The following CCDC148 variants were observed in gnomAD, a reference collection of about 807,000 sequenced individuals.
The protein encoded by CCDC148 is coiled-coil domain-containing protein 148.
CCDC148 carries 89 observed loss-of-function variants against 85.7 expected under a neutral mutation model. The observed-to-expected ratio is 1.04, with a 90% CI of 0.87 to 1.24. The LOEUF (loss-of-function observed/expected upper bound fraction) is 1.24, where lower values mean the gene tolerates loss of function less well. Among genes scored for constraint, CCDC148 ranks in the 50% most tolerant of loss-of-function variants. The pLI is 0.00. For missense variants in CCDC148, 692 were observed against 671.7 expected (o/e 1.03, Z -0.33); for synonymous variants, 230 against 213.9 (o/e 1.08, Z -0.66).
chr2:158,406,613 C>CTTTTTTTTTTTTTTTTTTTTTTT (rs61612452), intron 1 of CCDC148, among the ~76,000 whole-genome samples: 5 of 31,448 alleles, frequency 1.6e-4, no homozygotes, highest in Non-Finnish European at 3.2e-4. Context: ...GATTAAATTT[C>CTTTTTTTTTTTTTTTTTTTTTTT]TTTTTTTTTT....
At chr2:158,238,832 T>A (rs1415020932) in intron 10 of CCDC148, among the ~76,000 whole-genome samples, 1 of 152,154 alleles carries the variant, frequency 6.6e-6, no homozygotes, top group Non-Finnish European at 1.5e-5. Flanking sequence ...AAGTAAATAG[T>A]TTGAAACTGA....
chr2:158,200,700 T>C (rs1020265146), intron 11 of CCDC148, among the ~76,000 whole-genome samples: 1 of 152,194 alleles, frequency 6.6e-6, no homozygotes, highest in Non-Finnish European at 1.5e-5. Flanking sequence ...GTATTAGTGA[T>C]GCTAAATCAG....
intron 2 of CCDC148, among the ~76,000 whole-genome samples, chr2:158,347,473 A>T (rs1250057968): frequency 6.6e-6 from 1 of 152,194 alleles, no homozygotes; most frequent in Non-Finnish European, 1.5e-5. Flanking sequence ...CTTAAAAATA[A>T]CAAAAAGATT....
At chr2:158,179,209 A>G (rs1162756402) in intron 11 of CCDC148, among the ~76,000 whole-genome samples, 1 of 103,104 alleles carries the variant, frequency 9.7e-6, no homozygotes, top group Non-Finnish European at 1.8e-5. Context: ...TCTTGGCTTG[A>G]GTGCAGAGGC....
At position 158,172,142 on chromosome 2, in the gene CCDC148, C is replaced by A. The variant is rs1316680639; in HGVS notation, c.1747G>T (p.Asp583Tyr). 2 of 1,608,846 alleles carry A rather than the reference C, an allele frequency of 1.2e-6. No individual in the cohort carries two copies. The highest frequency in any genetic ancestry group is 1.7e-4 in the Middle Eastern group (1 of 6,010). ...ATTTTAAATACAGTAGACTCCATGT[C>A]CTTTCTTGGAGGTTTTTGAGGACTA... ...KISPQKPPRKDMESTVFKI is the reference protein window; with the variant it reads ...KISPQKPPRKYMESTVFKI Residue 583 changes from aspartate (D) to tyrosine (Y), a missense_variant, in exon 14 of 14, where the codon GAC (aspartate) becomes TAC (tyrosine). Physicochemically the swap from Asp to Tyr is radical, Grantham distance 160. Coordinates refer to ENST00000283233, the MANE Select transcript of CCDC148 (RefSeq NM_138803.4).
intron 10 of CCDC148, among the ~76,000 whole-genome samples, chr2:158,247,998 C>T (rs1020637218): frequency 3.9e-5 from 6 of 152,032 alleles, no homozygotes; most frequent in Non-Finnish European, 8.8e-5. Flanking sequence ...GTTTGCTGCA[C>T]CCATCAACCC....
intron 11 of CCDC148, among the ~76,000 whole-genome samples, chr2:158,209,431 T>A (rs997508500): frequency 6.6e-6 from 1 of 152,182 alleles, no homozygotes. Flanking sequence ...AATACATCAA[T>A]AAAGTATATA....
intron 9 of CCDC148, among the ~76,000 whole-genome samples, chr2:158,253,845 A>G (rs1688904107): frequency 6.6e-6 from 1 of 151,622 alleles, no homozygotes; most frequent in Non-Finnish European, 1.5e-5. Context: ...CATATGGAAT[A>G]ATCTTAACAT....
intron 1 of CCDC148, among the ~76,000 whole-genome samples, chr2:158,385,230 C>T (rs28404365): frequency 0.23 from 35,636 of 152,032 alleles, 4,370 homozygotes; most frequent in Middle Eastern, 0.28. Flanking sequence ...CTCCCCTATT[C>T]TGAGATCAAC....
At chr2:158,324,709 A>T (rs1039507241) in intron 7 of CCDC148, among the ~76,000 whole-genome samples, 1 of 149,212 alleles carries the variant, frequency 6.7e-6, no homozygotes, top group Non-Finnish European at 1.5e-5. Context: ...TACCATTTTA[A>T]ACTCTGGACA....
chr2:158,409,117 C>A (rs370868420), intron 1 of CCDC148, among the ~76,000 whole-genome samples: 5 of 152,078 alleles, frequency 3.3e-5, no homozygotes, highest in East Asian at 1.9e-4. Context: ...TTATTTATCC[C>A]TTGTCATGGA....
At position 158,351,978 on chromosome 2, in the gene CCDC148, C is replaced by G. The variant is rs571257416; in HGVS notation, c.147+6471G>C. ...CCAGCAGGGGCACACTGACACCTCA[C>G]ACGGCAGGGTATTCCAACAGACCTG... On this transcript the variant is annotated intron_variant, in intron 2 of 13. Coordinates refer to ENST00000283233, the MANE Select transcript of CCDC148 (RefSeq NM_138803.4). Among the ~76,000 whole-genome samples, 570 of 143,970 alleles carry G rather than the reference C, an allele frequency of 4.0e-3. 3 individuals are homozygous for G. Among genetic ancestry groups the G allele is most frequent in the Middle Eastern group, 0.018 (5 of 278 alleles). 94.4% of individuals were successfully genotyped at this position (143,970 alleles called of 152,430 possible).
At chr2:158,357,819 T>G (rs939100381) in intron 2 of CCDC148, among the ~76,000 whole-genome samples, 2 of 152,154 alleles carry the variant, frequency 1.3e-5, no homozygotes, top group African/African-American at 4.8e-5. Context: ...ACTTGTAAAT[T>G]ACGTAACAAG....
At chr2:158,249,330 T>C (rs997777233) in intron 10 of CCDC148, among the ~76,000 whole-genome samples, 2 of 152,174 alleles carry the variant, frequency 1.3e-5, no homozygotes, top group African/African-American at 4.8e-5. Context: ...TTTCAATAAC[T>C]GTACTTTCAT....
chr2:158,452,443 A>C (rs538897694), intron 1 of CCDC148, among the ~76,000 whole-genome samples: 1 of 152,356 alleles, frequency 6.6e-6, no homozygotes, highest in East Asian at 1.9e-4. Context: ...TCTTAGACAG[A>C]AAAGCAGGAG....
At chr2:158,339,775 T>G (rs926628556) in intron 5 of CCDC148, among the ~76,000 whole-genome samples, 1 of 152,114 alleles carries the variant, frequency 6.6e-6, no homozygotes, top group Non-Finnish European at 1.5e-5. Flanking sequence ...CCTGGCATGT[T>G]GGAGAAACAG....
At chr2:158,260,821 T>G (rs1437246116) in intron 9 of CCDC148, among the ~76,000 whole-genome samples, 1 of 151,748 alleles carries the variant, frequency 6.6e-6, no homozygotes, top group Non-Finnish European at 1.5e-5. Context: ...AAGTGAAAGA[T>G]CTCTACAATG....
chr2:158,304,546 A>T (rs549014941), intron 9 of CCDC148, among the ~76,000 whole-genome samples: 2 of 152,290 alleles, frequency 1.3e-5, no homozygotes, highest in Non-Finnish European at 1.5e-5. Flanking sequence ...CTTGGGCAGA[A>T]TATCTTTGAC....
intron 1 of CCDC148, among the ~76,000 whole-genome samples, chr2:158,401,398 C>T (rs1003891568): frequency 6.6e-6 from 1 of 152,050 alleles, no homozygotes; most frequent in Non-Finnish European, 1.5e-5. Flanking sequence ...ATGTCCTTTG[C>T]AGGGACATGG....
Sources: gnomAD v4.1 joint callset for allele counts (sites outside exome capture counted in the v4.1 genomes callset) on GRCh38, gnomAD v4.1.1 for gene constraint, MANE v1.5 for transcripts, NCBI Gene and HGNC (gene_info 2026-07-23, HGNC 2026-07-21) for gene names.